The following ANKS1B variants were observed in gnomAD, a reference collection of about 807,000 sequenced individuals.
ANKS1B encodes ankyrin repeat and sterile alpha motif domain-containing protein 1B.
In ANKS1B, 36 loss-of-function variants were observed where a neutral mutation model predicts 148.3. That is an observed-to-expected ratio of 0.24 (90% CI 0.19 to 0.32). ANKS1B has a LOEUF of 0.32. ANKS1B is among the 10% of genes least tolerant of loss of function. The probability of loss-of-function intolerance (pLI) is 1.00; values close to 1 mark genes in which losing one functional copy is unlikely to be tolerated. For missense variants in ANKS1B, 1,157 were observed against 1,542.6 expected, an observed-to-expected ratio of 0.75 and a Z score of 4.19; for synonymous variants, 542 against 560.8, an observed-to-expected ratio of 0.97 and a Z score of 0.47.
intron 8 of ANKS1B, among the ~76,000 whole-genome samples, chr12:99,656,370 C>T (rs11610061): frequency 0.24 from 35,923 of 151,924 alleles, 4,723 homozygotes; most frequent in Non-Finnish European, 0.28. Context: ...GTGAAGCCAA[C>T]CTCTCAACAA....
At chr12:99,246,186 G>A in intron 13 of ANKS1B, 89 bp downstream of exon 13, 1 of 975,406 alleles carries the variant, frequency 1.0e-6, no homozygotes. Flanking sequence ...TCTTGCTTTT[G>A]AAAGAGCTAA....
At chr12:99,810,055 G>A (rs2068139028) in intron 3 of ANKS1B, among the ~76,000 whole-genome samples, 1 of 152,018 alleles carries the variant, frequency 6.6e-6, no homozygotes, top group African/African-American at 2.4e-5. Flanking sequence ...AATCCATTAA[G>A]TGATAGGATT....
chr12:99,465,581 T>C (rs936671340), intron 10 of ANKS1B, among the ~76,000 whole-genome samples: 7 of 151,604 alleles, frequency 4.6e-5, no homozygotes, highest in African/African-American at 1.7e-4. Flanking sequence ...AGGCTCAAAA[T>C]AAAAGGATGG....
chr12:99,730,278 G>A (rs1309311671), intron 8 of ANKS1B, among the ~76,000 whole-genome samples: 8 of 151,940 alleles, frequency 5.3e-5, no homozygotes, highest in Admixed American at 5.2e-4. Context: ...CTCTTTCCAA[G>A]GGTCTCTGCT....
intron 14 of ANKS1B, among the ~76,000 whole-genome samples, chr12:99,155,468 T>G (rs1236189831): frequency 6.6e-6 from 1 of 152,158 alleles, no homozygotes; most frequent in African/African-American, 2.4e-5. Context: ...CTTTTTCCCC[T>G]CTGATATTTA....
chr12:99,907,004 G>C (rs1025847543), intron 1 of ANKS1B, among the ~76,000 whole-genome samples: 1 of 152,204 alleles, frequency 6.6e-6, no homozygotes, highest in Non-Finnish European at 1.5e-5. Context: ...CCTGAAGGCA[G>C]AGCTTACACA....
chr12:99,587,073 T>C (rs931580656), intron 9 of ANKS1B, among the ~76,000 whole-genome samples: 39 of 152,116 alleles, frequency 2.6e-4, no homozygotes, highest in African/African-American at 9.4e-4. Flanking sequence ...AAGTGGGAGC[T>C]AGGAACAGGA....
At chr12:98,930,274 A>G (rs963200496) in intron 17 of ANKS1B, among the ~76,000 whole-genome samples, 3 of 152,176 alleles carry the variant, frequency 2.0e-5, no homozygotes, top group African/African-American at 4.8e-5. Flanking sequence ...AAAATAAAAA[A>G]GACCATAACA....
At chr12:99,225,696 C>T (rs973022257) in intron 14 of ANKS1B, among the ~76,000 whole-genome samples, 2 of 152,240 alleles carry the variant, frequency 1.3e-5, no homozygotes, top group Non-Finnish European at 2.9e-5. Flanking sequence ...ACAACAGACT[C>T]CAGGTTCTTC....
At chr12:99,754,631 A>C (rs1438501420) in intron 8 of ANKS1B, among the ~76,000 whole-genome samples, 1 of 152,192 alleles carries the variant, frequency 6.6e-6, no homozygotes, top group East Asian at 1.9e-4. Context: ...AAAGAACTGA[A>C]AATCATAACA....
intron 17 of ANKS1B, among the ~76,000 whole-genome samples, chr12:98,941,642 T>G (rs1351643736): frequency 2.0e-5 from 3 of 152,138 alleles, no homozygotes; most frequent in African/African-American, 7.2e-5. Flanking sequence ...TGTATGTCCT[T>G]AAAACAAAAA....
intron 9 of ANKS1B, among the ~76,000 whole-genome samples, chr12:99,628,615 G>A (rs544660789): frequency 1.3e-5 from 2 of 152,212 alleles, no homozygotes; most frequent in South Asian, 4.1e-4. Context: ...GTTGCTATTA[G>A]TATAACAGAA....
intron 1 of ANKS1B, among the ~76,000 whole-genome samples, chr12:99,858,257 T>G (rs1225443072): frequency 6.6e-6 from 1 of 152,088 alleles, no homozygotes; most frequent in African/African-American, 2.4e-5. Context: ...AAAGAAGATA[T>G]ACAAATGGCC....
intron 15 of ANKS1B, among the ~76,000 whole-genome samples, chr12:99,132,805 G>A (rs962063880): frequency 6.6e-5 from 10 of 152,052 alleles, no homozygotes; most frequent in African/African-American, 2.4e-4. Context: ...AAAAGTTGTT[G>A]TGAGGATCAA....
intron 12 of ANKS1B, among the ~76,000 whole-genome samples, chr12:99,278,302 G>C (rs975685285): frequency 6.6e-6 from 1 of 152,186 alleles, no homozygotes; most frequent in Non-Finnish European, 1.5e-5. Context: ...TCAACACTGA[G>C]GCTGACTTCG....
At chr12:99,541,503 T>C (rs563366120) in intron 9 of ANKS1B, among the ~76,000 whole-genome samples, 1 of 152,206 alleles carries the variant, frequency 6.6e-6, no homozygotes, top group East Asian at 1.9e-4. Context: ...ACTATATTAA[T>C]AGAATAAAGG....
At chr12:99,939,907 A>C (rs1194579901) in intron 1 of ANKS1B, among the ~76,000 whole-genome samples, 2 of 152,166 alleles carry the variant, frequency 1.3e-5, no homozygotes, top group East Asian at 3.9e-4. Flanking sequence ...CAGCTAATAA[A>C]ATTAAGTTTG....
chr12:99,880,161 T>C (rs1355780298), intron 1 of ANKS1B, among the ~76,000 whole-genome samples: 1 of 152,172 alleles, frequency 6.6e-6, no homozygotes, highest in Non-Finnish European at 1.5e-5. Context: ...CAAACTACTA[T>C]TATTAACTCC....
chr12:99,560,762 T>A (rs2097325159), intron 9 of ANKS1B, among the ~76,000 whole-genome samples: 1 of 151,916 alleles, frequency 6.6e-6, no homozygotes, highest in Non-Finnish European at 1.5e-5. Context: ...GGGTCTTGCC[T>A]CAGTATTGAT....
Sources: allele counts gnomAD v4.1 joint callset (sites outside exome capture counted in the v4.1 genomes callset), GRCh38; gene constraint gnomAD v4.1.1; transcripts MANE v1.5; gene names NCBI Gene and HGNC (gene_info 2026-07-23, HGNC 2026-07-21).